The following FRY variants were observed in gnomAD, a reference collection of about 807,000 sequenced individuals.
FRY encodes the protein FRY microtubule binding protein, also known as protein furry homolog.
In FRY, 128 loss-of-function variants were observed where a neutral mutation model predicts 348.4. The ratio of observed to expected loss-of-function variants is 0.37; its 90% CI spans 0.32 to 0.43. FRY has a LOEUF of 0.43. Ranked by LOEUF, FRY falls within the 20% of genes least tolerant of loss-of-function variation. The probability of loss-of-function intolerance (pLI) is 1.00; values close to 1 mark genes in which losing one functional copy is unlikely to be tolerated. For synonymous variants in FRY, 1,370 were observed against 1,374.7 expected (o/e 1.00, Z 0.08); for missense variants, 2,736 against 3,695.2 (o/e 0.74, Z 6.73).
intron 3 of FRY, among the ~76,000 whole-genome samples, chr13:32,107,906 A>T (rs1877674765): frequency 6.6e-6 from 1 of 152,226 alleles, no homozygotes; most frequent in Non-Finnish European, 1.5e-5. Context: ...GCATTTGAAG[A>T]TGTATATACT....
chr13:32,097,218 AGTT>A (rs1447703994), intron 2 of FRY, among the ~76,000 whole-genome samples: 2 of 151,980 alleles, frequency 1.3e-5, no homozygotes, highest in Non-Finnish European at 2.9e-5. Flanking sequence ...TGAACTCCTG[AGTT>A]GTTGTAGGGG....
intron 2 of FRY, among the ~76,000 whole-genome samples, chr13:32,079,388 C>A (rs1197155944): frequency 6.6e-6 from 1 of 151,944 alleles, no homozygotes; most frequent in Non-Finnish European, 1.5e-5. Flanking sequence ...ATATATATGG[C>A]AAAATCTTTT....
At chr13:32,125,400 G>A (rs533407146) in intron 7 of FRY, among the ~76,000 whole-genome samples, 15 of 152,166 alleles carry the variant, frequency 9.9e-5, no homozygotes, top group South Asian at 6.2e-4. Context: ...ACAAAATTGC[G>A]TTAGACTATT....
intron 4 of FRY, among the ~76,000 whole-genome samples, chr13:32,121,131 G>A (rs57977281): frequency 0.08 from 12,182 of 152,188 alleles, 520 homozygotes; most frequent in African/African-American, 0.13. Context: ...CATAGTATTC[G>A]ATCATATATA....
Position 32,147,936 on chromosome 13 carries a change from T to C in FRY, c.1381T>C (p.Phe461Leu). The change falls in exon 13 of 61, where the codon TTC (phenylalanine) becomes CTC (leucine). Residue 461 changes from phenylalanine (F) to leucine (L), a missense_variant. Physicochemically the swap from Phe to Leu is conservative, Grantham distance 22 (BLOSUM62 0). Around this residue, in one of 9 missense-constraint regions of FRY, gnomAD observed 191 missense variants for 370.2 expected, o/e 0.52. Transcript: ENST00000542859. ...PLNIFVKIIQ[F>L]IAQERLDFAM... ...GAACATCTTTGTGAAAATCATCCAG[T>C]TCATTGCCCAGGTAATGGAGAAGAT... 2 of 1,577,828 alleles carry C rather than the reference T, an allele frequency of 1.3e-6. No homozygotes were observed. Among genetic ancestry groups the C allele is most frequent in the Non-Finnish European group, 1.7e-6 (2 of 1,146,826 alleles).
chr13:32,042,029 A>G (rs1055093436), intron 1 of FRY, among the ~76,000 whole-genome samples: 5 of 152,218 alleles, frequency 3.3e-5, no homozygotes, highest in African/African-American at 1.2e-4. Context: ...CAAAAAATCC[A>G]TTTTATCTTA....
At chr13:32,230,902 A>G (rs1456801526) in intron 40 of FRY, among the ~76,000 whole-genome samples, 1 of 152,130 alleles carries the variant, frequency 6.6e-6, no homozygotes, top group African/African-American at 2.4e-5. Context: ...CATTTCTCTA[A>G]TAGTCAGTGA....
chr13:32,079,195 T>C (rs1383032392), intron 2 of FRY, among the ~76,000 whole-genome samples, 162 bp downstream of exon 2: 4 of 152,232 alleles, frequency 2.6e-5, no homozygotes. Context: ...GGTTCCCTGA[T>C]CTAAGAGAAA....
At chr13:32,150,469 A>G (rs1392771280) in intron 14 of FRY, among the ~76,000 whole-genome samples, 1 of 152,222 alleles carries the variant, frequency 6.6e-6, no homozygotes, top group African/African-American at 2.4e-5. Context: ...ACACTGGACC[A>G]GAAGTCAGCA....
chr13:32,186,738 A>T (rs1883048869), intron 27 of FRY, among the ~76,000 whole-genome samples: 1 of 152,180 alleles, frequency 6.6e-6, no homozygotes, highest in Admixed American at 6.5e-5. Context: ...ACCCAGAGCG[A>T]CATTCCCTTT....
At chr13:32,122,559 G>A (rs978037503) in intron 4 of FRY, among the ~76,000 whole-genome samples, 12 of 152,024 alleles carry the variant, frequency 7.9e-5, no homozygotes, top group South Asian at 6.2e-4. Context: ...AGCCATCTAC[G>A]ACAAACCCAC....
chr13:32,254,257 C>T lies in FRY; in HGVS notation c.7279C>T (p.Leu2427Phe). Residue 2427 changes from leucine (L) to phenylalanine (F), a missense_variant, in exon 51 of 61, where the codon CTT becomes TTT. By Grantham distance (22) the Leu-to-Phe change is conservative. This residue lies in a region of FRY where 789 missense variants were observed against 996.2 expected (regional missense o/e 0.79). Coordinates refer to ENST00000542859, the MANE Select transcript of FRY (RefSeq NM_023037.3). ...TTCATCGTGTGGGGATCTGGATCTG[C>T]TTGAGCACCAGACAAGCTTGGTATC... is the stretch of plus-strand genomic sequence containing the variant. The part of the protein sequence containing the change: ...IFSSCGDLDL[L>F]EHQTSLVSSE... 1.2e-6 allele frequency: 2 copies of T among 1,614,010 alleles called. No homozygotes were observed. Among genetic ancestry groups the T allele is most frequent in the South Asian group, 2.2e-5 (2 of 91,068 alleles).
chr13:32,036,205 A>G (rs1051114937), intron 1 of FRY, among the ~76,000 whole-genome samples: 2 of 152,216 alleles, frequency 1.3e-5, no homozygotes, highest in Non-Finnish European at 2.9e-5. Flanking sequence ...AAGAAGGTTA[A>G]CTGAGTTGCC....
chr13:32,148,065 C>A lies in FRY; in HGVS notation c.1392+118C>A, dbSNP rs114767406. 537 of 720,688 alleles carry A rather than the reference C, an allele frequency of 7.5e-4. 2 individuals are homozygous for A. The African/African-American group carries it at 8.4e-3, about 11-fold the overall frequency. 44.6% of individuals were successfully genotyped at this position (720,688 alleles called of 1,614,324 possible). A position where few individuals can be genotyped will look rare whatever the true frequency, so the allele number is the denominator to read the frequency against. On this transcript the variant is annotated intron_variant, in intron 13 of 60. Coordinates refer to ENST00000542859, the MANE Select transcript of FRY (RefSeq NM_023037.3). Reference sequence around the variant, plus strand: ...ATTAGCATCTTACGTGTTTAGACTTCTGTGAAAGATTTAAAGTGTTTTCAC... The same window carrying A: ...ATTAGCATCTTACGTGTTTAGACTTATGTGAAAGATTTAAAGTGTTTTCAC...
chr13:32,080,752 A>G (rs903073564), intron 2 of FRY, among the ~76,000 whole-genome samples: 6 of 152,178 alleles, frequency 3.9e-5, no homozygotes, highest in Admixed American at 3.9e-4. Context: ...TCCATTTCAG[A>G]GGATGTGGGT....
chr13:32,213,935 T>C (rs1884827508), intron 35 of FRY, among the ~76,000 whole-genome samples: 1 of 152,246 alleles, frequency 6.6e-6, no homozygotes, highest in Non-Finnish European at 1.5e-5. Context: ...TGTCACCATA[T>C]CTCTGCTGGT....
chr13:32,061,253 A>G (rs1873929407), intron 1 of FRY: 1 of 485,742 alleles, frequency 2.1e-6, no homozygotes, highest in African/African-American at 2.0e-5. Context: ...GTTTCAGCGG[A>G]TGGGGGTGGA....
At chr13:32,214,249 A>G (rs1321279599) in intron 35 of FRY, among the ~76,000 whole-genome samples, 5 of 151,972 alleles carry the variant, frequency 3.3e-5, no homozygotes, top group Non-Finnish European at 7.4e-5. Flanking sequence ...AATCCCTGTC[A>G]TGTTGATATA....
chr13:32,238,597 G>A (rs1331199400), intron 44 of FRY, among the ~76,000 whole-genome samples: 2 of 152,086 alleles, frequency 1.3e-5, no homozygotes, highest in East Asian at 1.9e-4. Flanking sequence ...GATTACAGGT[G>A]TACGCCACCA....
Sources: gnomAD v4.1 joint callset for allele counts (sites outside exome capture counted in the v4.1 genomes callset) on GRCh38, gnomAD v4.1.1 for gene constraint, gnomAD v4.1.1 regional missense constraint, MANE v1.5 for transcripts, NCBI Gene and HGNC (gene_info 2026-07-23, HGNC 2026-07-21) for gene names.